Variants in TBC1D8B observed in about 807,000 individuals in gnomAD.
The protein encoded by TBC1D8B is TBC1 domain family member 8B.
TBC1D8B carries 75 observed loss-of-function variants against 82.9 expected under a neutral mutation model. The ratio of observed to expected loss-of-function variants is 0.90; its 90% CI spans 0.75 to 1.10. TBC1D8B has a LOEUF of 1.10. TBC1D8B is among the 50% of genes least tolerant of loss of function. The probability of loss-of-function intolerance (pLI) is 0.00; values close to 1 mark genes in which losing one functional copy is unlikely to be tolerated. For synonymous variants in TBC1D8B, 276 were observed against 276.8 expected, an observed-to-expected ratio of 1.00 and a Z score of 0.03; for missense variants, 794 against 796.9, an observed-to-expected ratio of 1.00 and a Z score of 0.04.
chrX:106,866,245 G>A (rs1932814504), intron 16 of TBC1D8B, among the ~76,000 whole-genome samples: 1 of 111,364 alleles, frequency 9.0e-6, no homozygotes, highest in Admixed American at 9.6e-5. Context: ...TTAGATGTGA[G>A]TGTTTTAAGG....
At position 106,823,243 on chromosome X, in the gene TBC1D8B, TG is replaced by T. The variant is rs766157549; in HGVS notation, c.607del (p.Asp203MetfsTer14). 5.0e-6 allele frequency: 6 copies of T among 1,207,903 alleles called. No homozygotes were observed. Among genetic ancestry groups the T allele is most frequent in the Non-Finnish European group, 6.7e-6 (6 of 892,907 alleles). On this transcript the variant is annotated frameshift_variant, in exon 5 of 21. Coordinates refer to ENST00000357242, the MANE Select transcript of TBC1D8B (RefSeq NM_017752.3). LOFTEE classifies it high-confidence loss of function. ...LGSEIKLIIS[W>X]DEVSKLEKTS... ...ATTTGCAGTAAAACTCATTATCTCC[TG>T]GGATGAAGTCTCAAAACTTGAAAAG...
chrX:106,823,161 A>G, intron 4 of TBC1D8B, 65 bp from the exon 5 acceptor site: 1 of 1,071,524 alleles, frequency 9.3e-7, no homozygotes, highest in Non-Finnish European at 1.3e-6. Flanking sequence ...TTTCAGAAGA[A>G]CTGATTAATA....
chrX:106,810,171 C>G (rs1414929782), intron 1 of TBC1D8B, among the ~76,000 whole-genome samples: 1 of 111,705 alleles, frequency 9.0e-6, no homozygotes, highest in Non-Finnish European at 1.9e-5. Context: ...GTACTGGTGG[C>G]AAAGTTCCAG....
At chrX:106,867,164 T>G (rs1932820478) in intron 17 of TBC1D8B, among the ~76,000 whole-genome samples, 1 of 111,798 alleles carries the variant, frequency 8.9e-6, no homozygotes, top group Non-Finnish European at 1.9e-5. Flanking sequence ...AATGTTGAAT[T>G]GTTGTTGTTG....
Position 106,832,928 on chromosome X carries a change from C to T in TBC1D8B, c.1203+5591C>T, listed in dbSNP as rs755137131. Among the ~76,000 whole-genome samples, 4 of 110,864 alleles carry T rather than the reference C, an allele frequency of 3.6e-5. No individual in the cohort carries two copies. The South Asian group carries it at 1.5e-3, about 42-fold the overall frequency. On this transcript the variant is annotated intron_variant, in intron 7 of 20. Coordinates refer to ENST00000357242, the MANE Select transcript of TBC1D8B (RefSeq NM_017752.3). ...TATAAATTTGGAAAATGATTTTTAG[C>T]TGTGGGGGTAGATTTATTTCTAAGT...
At position 106,865,863 on chromosome X, in the gene TBC1D8B, C is replaced by A; in HGVS notation, c.2492C>A (p.Pro831Gln). ...TTGAAGCATCATGACCCCAGTCTGC[C>A]ATATTTGGAACAGTATCAGATTGAC... ...PVLKHHDPSL[P>Q]YLEQYQIDCQ... is the part of the protein sequence containing the mutation. The change falls in exon 16 of 21, where the codon CCA (proline) becomes CAA (glutamine). Residue 831 changes from proline (P) to glutamine (Q), a missense_variant. Physicochemically the swap from Pro to Gln is moderately conservative, Grantham distance 76. Transcript: ENST00000357242. 1.7e-6 allele frequency: 2 copies of A among 1,210,628 alleles called. No individual in the cohort carries two copies. Among genetic ancestry groups the A allele is most frequent in the Non-Finnish European group, 2.2e-6 (2 of 894,891 alleles).
At chrX:106,823,497 G>T in intron 5 of TBC1D8B, 31 bp downstream of exon 5, 2 of 1,185,064 alleles carry the variant, frequency 1.7e-6, no homozygotes, top group Non-Finnish European at 2.3e-6. Flanking sequence ...AGTTTTCAAA[G>T]TATTGTTTGA....
At chrX:106,822,698 A>T (rs1012021292) in intron 4 of TBC1D8B, among the ~76,000 whole-genome samples, 26 of 110,704 alleles carry the variant, frequency 2.3e-4, no homozygotes, top group South Asian at 3.9e-4. Context: ...CATTTTTTTT[A>T]AAAATTATCT....
chrX:106,811,748 G>A (rs1821898677), intron 1 of TBC1D8B, among the ~76,000 whole-genome samples: 1 of 111,555 alleles, frequency 9.0e-6, no homozygotes. Flanking sequence ...TTGCTTTTCT[G>A]AGGGTTACTC....
At chrX:106,821,850 C>T in intron 3 of TBC1D8B, 127 bp from the exon 4 acceptor site, 6 of 556,181 alleles carry the variant, frequency 1.1e-5, no homozygotes, top group Admixed American at 4.2e-5. Flanking sequence ...TGGTTGAATC[C>T]ATGGATGAGG....
intron 6 of TBC1D8B, 104 bp from the exon 7 acceptor site, chrX:106,827,066 A>G (rs912911745): frequency 1.1e-6 from 1 of 924,282 alleles, no homozygotes; most frequent in Non-Finnish European, 1.5e-6. Context: ...GTCATACTAT[A>G]GACCAAAACT....
chrX:106,835,269 G>T (rs1305476184), intron 7 of TBC1D8B, among the ~76,000 whole-genome samples: 2 of 112,762 alleles, frequency 1.8e-5, no homozygotes, highest in Non-Finnish European at 3.8e-5. Flanking sequence ...AAGGCTTGGG[G>T]CTTGCACCCT....
At chrX:106,804,078 G>A (rs1931115386) in intron 1 of TBC1D8B, among the ~76,000 whole-genome samples, 2 of 111,784 alleles carry the variant, frequency 1.8e-5, no homozygotes, top group Admixed American at 1.9e-4. Flanking sequence ...GCTTTGCAGT[G>A]CTTATAATCT....
In TBC1D8B at chrX:106,807,433, G is replaced by A. The variant is rs760090722; in HGVS notation, c.130+4450G>A. ...TTGTAGGAGGTTTTGAGTAATGAAG[G>A]ATGATCAGTGTTACCCTCACCTTTT... On this transcript the variant is annotated intron_variant, in intron 1 of 20. Coordinates refer to ENST00000357242, the MANE Select transcript of TBC1D8B (RefSeq NM_017752.3). Among the ~76,000 whole-genome samples, 3 of 106,275 alleles carry A rather than the reference G, an allele frequency of 2.8e-5. No homozygotes were observed. The East Asian group carries it at 8.8e-4, about 31-fold the overall frequency. The allele number at this position is 106,275 out of a possible 115,157, so 92.3% of individuals were successfully genotyped here. A position where few individuals can be genotyped will look rare whatever the true frequency, so the allele number is the denominator to read the frequency against.
chrX:106,853,468 G>T, intron 12 of TBC1D8B, 53 bp from the exon 13 acceptor site: 1 of 1,139,708 alleles, frequency 8.8e-7, no homozygotes, highest in Non-Finnish European at 1.2e-6. Flanking sequence ...TCATTTCTCT[G>T]CTTTAATAAT....
rs1311991525 is a variant in TBC1D8B at position 106,818,484 on chromosome X, T to A, written c.131-179T>A. 2.1e-5 allele frequency: 7 copies of A among 332,630 alleles called. No individual in the cohort carries two copies. The Admixed American group carries it at 3.9e-4, about 18-fold the overall frequency. The allele number at this position is 332,630 out of a possible 1,213,427, so 27.4% of individuals were successfully genotyped here. A position where few individuals can be genotyped will look rare whatever the true frequency, so the allele number is the denominator to read the frequency against. ...ATAATTTTCTCAGATACTACTCACA[T>A]TGGCATACTGTAATCTCTCTTTATC... On this transcript the variant is annotated intron_variant, in intron 1 of 20. Coordinates refer to ENST00000357242, the MANE Select transcript of TBC1D8B (RefSeq NM_017752.3).
chrX:106,829,909 A>G (rs1448104921), intron 7 of TBC1D8B: 1 of 111,265 alleles, frequency 9.0e-6, no homozygotes, highest in Non-Finnish European at 1.9e-5. Context: ...CTAAAACACC[A>G]AAAGCAATGG....
chrX:106,859,780 G>C (rs1050579950), intron 14 of TBC1D8B, among the ~76,000 whole-genome samples: 1 of 111,406 alleles, frequency 9.0e-6, no homozygotes, highest in Non-Finnish European at 1.9e-5. Context: ...TGGTTCTCAA[G>C]GGGAATGCTT....
intron 10 of TBC1D8B, among the ~76,000 whole-genome samples, chrX:106,842,311 A>T (rs1932326308): frequency 9.0e-6 from 1 of 110,915 alleles, no homozygotes; most frequent in South Asian, 3.9e-4. Flanking sequence ...GCTTCAAAAT[A>T]GGCAGCACTT....
Sources: gnomAD v4.1 joint callset for allele counts (sites outside exome capture counted in the v4.1 genomes callset) on GRCh38, gnomAD v4.1.1 for gene constraint, MANE v1.5 for transcripts, NCBI Gene and HGNC (gene_info 2026-07-23, HGNC 2026-07-21) for gene names.